Variants in MYO1A observed in about 807,000 individuals in gnomAD.
The protein encoded by MYO1A is unconventional myosin-Ia.
Under a neutral mutation model 138.5 loss-of-function variants are expected in MYO1A, and 127 were observed. That is an observed-to-expected ratio of 0.92 (90% CI 0.79 to 1.06). MYO1A has a LOEUF of 1.06. MYO1A is among the 50% of genes least tolerant of loss of function. The probability of loss-of-function intolerance (pLI) is 0.00; values close to 1 mark genes in which losing one functional copy is unlikely to be tolerated. For synonymous variants in MYO1A, 477 were observed against 497.5 expected (o/e 0.96, Z 0.55); for missense variants, 1,211 against 1,288.8 (o/e 0.94, Z 0.92).
rs777976027 is a variant in MYO1A at position 57,038,592 on chromosome 12, A to G, written c.1580T>C (p.Leu527Pro). ...CATGGCCTGCAACAGGTCTCGGAAG[A>G]GTAGGTCATTATTCTTGTCAATAAA... ...TSFIDKNNDL[L>P]FRDLLQAMWK... The change falls in exon 17 of 28, where the codon CTC (leucine) becomes CCC (proline). Residue 527 changes from leucine (L) to proline (P), a missense_variant. Leu to Pro is a moderately conservative substitution (Grantham distance 98). Coordinates refer to ENST00000300119, the MANE Select transcript of MYO1A (RefSeq NM_005379.4). 7 of 1,614,188 alleles carry G rather than the reference A, an allele frequency of 4.3e-6. No homozygotes were observed. The South Asian group carries it at 7.7e-5, about 18-fold the overall frequency.
chr12:57,047,426 CT>C lies in MYO1A; in HGVS notation c.326-20del. The C allele has an allele frequency of 6.2e-7, 1 of 1,610,770 alleles. No individual in the cohort carries two copies. Among genetic ancestry groups the C allele is most frequent in the Non-Finnish European group, 8.5e-7 (1 of 1,177,024 alleles). On this transcript the variant is annotated intron_variant, in intron 4 of 27. Coordinates refer to ENST00000300119, the MANE Select transcript of MYO1A (RefSeq NM_005379.4). The stretch of plus-strand genomic sequence containing the variant: ...CTGGCCTCTGTGCAGGCAAAACGCT[CT>C]CATGGGTCCCCACCCAGGACTAGCC...
At chr12:57,041,353 C>A in intron 13 of MYO1A, 65 bp from the exon 14 acceptor site, 1 of 1,591,650 alleles carries the variant, frequency 6.3e-7, no homozygotes, top group East Asian at 2.2e-5. Flanking sequence ...AGTCCTACCT[C>A]CCCTCCCTCA....
chr12:57,038,673 C>T, intron 16 of MYO1A, 35 bp from the exon 17 acceptor site: 1 of 1,611,054 alleles, frequency 6.2e-7, no homozygotes, highest in Non-Finnish European at 8.5e-7. Context: ...GGAGACCCCA[C>T]AACCTTGTCC....
intron 14 of MYO1A, among the ~76,000 whole-genome samples, chr12:57,039,726 G>A (rs780201469): frequency 6.6e-6 from 1 of 152,186 alleles, no homozygotes; most frequent in African/African-American, 2.4e-5. Context: ...ATCTACATCA[G>A]TGATTCTCAA....
chr12:57,041,648 C>A, intron 12 of MYO1A, 151 bp from the exon 13 acceptor site: 1 of 707,694 alleles, frequency 1.4e-6, no homozygotes, highest in East Asian at 2.6e-5. Flanking sequence ...TTTACTCTCC[C>A]TCCTCCACAC....
chr12:57,037,026 A>T lies in MYO1A; in HGVS notation c.2121T>A (p.Ile707=), dbSNP rs1253763548. The part of the protein sequence containing the change: ...LQQLATLIQK[I]YRGWRCRTHY... Reference sequence around the variant, plus strand: ...GGGTGCGGCAGCGCCAGCCTCGGTAAATCTTCTGTATGAGTGTGGCCAGCT... The same window carrying T: ...GGGTGCGGCAGCGCCAGCCTCGGTATATCTTCTGTATGAGTGTGGCCAGCT... The change falls in exon 20 of 28, where the codon ATT becomes ATA. Residue 707 remains isoleucine, a synonymous_variant. Transcript: ENST00000300119. 2.0e-5 allele frequency: 33 copies of T among 1,614,058 alleles called. No homozygotes were observed. The East Asian group carries it at 7.1e-4, about 35-fold the overall frequency.
chr12:57,046,828 G>A (rs371238244), intron 7 of MYO1A, 35 bp downstream of exon 7: 1 of 1,607,268 alleles, frequency 6.2e-7, no homozygotes. Context: ...GGAGGCAGGT[G>A]GAAGACAGGT....
chr12:57,041,319 A>G (rs777011419), intron 13 of MYO1A, 31 bp from the exon 14 acceptor site: 1 of 1,600,060 alleles, frequency 6.2e-7, no homozygotes, highest in South Asian at 1.1e-5. Context: ...TAGAGAGCTC[A>G]CTCCAAGACT....
chr12:57,039,984 T>C (rs1474189714), intron 14 of MYO1A, among the ~76,000 whole-genome samples: 2 of 152,192 alleles, frequency 1.3e-5, no homozygotes, highest in African/African-American at 4.8e-5. Flanking sequence ...GACCCAAAGA[T>C]AATCGTTCTC....
chr12:57,035,921 C>CT (rs2030517150), intron 22 of MYO1A, among the ~76,000 whole-genome samples: 1 of 152,210 alleles, frequency 6.6e-6, no homozygotes, highest in African/African-American at 2.4e-5. Flanking sequence ...TAAAATGGAT[C>CT]TTGGGAGGTT....
intron 14 of MYO1A, among the ~76,000 whole-genome samples, chr12:57,040,439 G>A (rs190448357): frequency 1.0e-3 from 158 of 152,280 alleles, no homozygotes; most frequent in Non-Finnish European, 1.6e-3. Context: ...TAGGAGGCTA[G>A]GGGCAGAAGT....
intron 22 of MYO1A, 75 bp downstream of exon 22, chr12:57,036,232 T>A (rs187258128): frequency 6.9e-7 from 1 of 1,458,950 alleles, no homozygotes; most frequent in East Asian, 2.3e-5. Flanking sequence ...TTGGGTTGCC[T>A]CTTCTCAAAC....
rs779462151 is a variant in MYO1A, at chr12:57,036,317, T to A, written c.2339A>T (p.Tyr780Phe). The A allele has an allele frequency of 6.2e-6, 10 of 1,613,758 alleles. No individual in the cohort carries two copies. Among genetic ancestry groups the A allele is most frequent in the Non-Finnish European group, 8.5e-6 (10 of 1,179,710 alleles). Residue 780 changes from tyrosine to phenylalanine, a missense_variant, in exon 22 of 28, where the codon TAC becomes TTC. By Grantham distance (22) the Tyr-to-Phe change is conservative. Coordinates refer to ENST00000300119, the MANE Select transcript of MYO1A (RefSeq NM_005379.4). Reference sequence around the variant, plus strand: ...ACCCCTACCACTTACCATGCTCTTGTAGATGAAATCTGCCAAGGTGAGGGC... The same window carrying A: ...ACCCCTACCACTTACCATGCTCTTGAAGATGAAATCTGCCAAGGTGAGGGC... ...EAALTLADFI[Y>F]KSMVQKFLLG...
In MYO1A at chr12:57,043,352, C is replaced by T. The variant is rs374494330; in HGVS notation, c.899G>A (p.Arg300Gln). 19 of 1,614,002 alleles carry T rather than the reference C, an allele frequency of 1.2e-5. No homozygotes were observed. Among genetic ancestry groups the T allele is most frequent in the East Asian group, 4.5e-5 (2 of 44,884 alleles). ...ASGIRDGRGVREIGEMVGLNS... is the reference protein window; with the variant it reads ...ASGIRDGRGVQEIGEMVGLNS... ...CAAGCCCACCATCTCCCCAATCTCC[C>T]GAACACCTGGGATAATGAGAAAGTA... The change falls in exon 11 of 28, where the codon CGG becomes CAG. Residue 300 changes from arginine to glutamine, a missense_variant. Transcript: ENST00000300119.
chr12:57,041,881 A>C (rs1426805501), intron 12 of MYO1A, among the ~76,000 whole-genome samples: 1 of 152,232 alleles, frequency 6.6e-6, no homozygotes, highest in Non-Finnish European at 1.5e-5. Context: ...GTCAAATTTC[A>C]GAAGGATAGG....
intron 17 of MYO1A, 95 bp from the exon 18 acceptor site, chr12:57,038,164 A>G: frequency 6.8e-7 from 1 of 1,461,222 alleles, no homozygotes. Flanking sequence ...GGTGCACTTC[A>G]CTGAAAAGTT....
At chr12:57,029,080 C>G in intron 27 of MYO1A, 52 bp downstream of exon 27, 1 of 1,613,734 alleles carries the variant, frequency 6.2e-7, no homozygotes, top group South Asian at 1.1e-5. Flanking sequence ...CGATGACCAT[C>G]AGCCTGGCCA....
intron 24 of MYO1A, 24 bp downstream of exon 24, chr12:57,030,186 G>A: frequency 1.9e-6 from 3 of 1,585,042 alleles, no homozygotes; most frequent in Non-Finnish European, 2.6e-6. Context: ...GGAACTGGCT[G>A]TGCAGGGTCT....
chr12:57,037,605 C>A lies in MYO1A; in HGVS notation c.1998G>T (p.Met666Ile). 6.2e-7 allele frequency: 1 copy of A among 1,614,162 alleles called. No homozygotes were observed. Residue 666 changes from methionine to isoleucine, a missense_variant, in exon 19 of 28, where the codon ATG becomes ATT. Coordinates refer to ENST00000300119, the MANE Select transcript of MYO1A (RefSeq NM_005379.4). ...TGCCAAAGGCCAGCTCCCCCGAGGA[C>A]ATGCTCAGCTCCCCCAGGACCTTCT... ...GVEKVLGELS[M>I]SSGELAFGKT...
Sources: gnomAD v4.1 joint callset for allele counts (sites outside exome capture counted in the v4.1 genomes callset) on GRCh38, gnomAD v4.1.1 for gene constraint, MANE v1.5 for transcripts, NCBI Gene and HGNC (gene_info 2026-07-23, HGNC 2026-07-21) for gene names.